Variants in REL observed in about 807,000 individuals in gnomAD.
REL encodes proto-oncogene c-Rel.
A neutral mutation model predicts 45.9 loss-of-function variants in REL; 15 were observed. The observed-to-expected ratio is 0.33, with a 90% CI of 0.22 to 0.50. The LOEUF is 0.50. Among genes scored for constraint, REL ranks in the 20% least tolerant of loss-of-function variants. The pLI is 0.98. For missense variants in REL, 601 were observed against 715.2 expected (o/e 0.84, Z 1.82); for synonymous variants, 239 against 242.1 (o/e 0.99, Z 0.12).
Position 60,928,089 on chromosome 2 carries a change from A to AG in REL, c.*5559dup, listed in dbSNP as rs2104000480. 5.9e-6 allele frequency: 1 copy of AG among 168,252 alleles called. No individual in the cohort carries two copies. The highest frequency in any genetic ancestry group is 2.2e-4 in the South Asian group (1 of 4,600). 10.4% of individuals were successfully genotyped at this position (168,252 alleles called of 1,614,324 possible). On this transcript the variant is annotated 3_prime_UTR_variant, in exon 10 of 10. Coordinates refer to ENST00000394479, the MANE Select transcript of REL (RefSeq NM_001291746.2). Reference sequence around the variant, plus strand: ...TCCCAGCACTTTGGGAGGCCGAGGTAGGGGGATTGCTTGAGCCCAGGAGTT... The same window carrying AG: ...TCCCAGCACTTTGGGAGGCCGAGGTAGGGGGGATTGCTTGAGCCCAGGAGTT...
At chr2:60,890,205 A>T (rs565058601) in intron 1 of REL, among the ~76,000 whole-genome samples, 1 of 152,296 alleles carries the variant, frequency 6.6e-6, no homozygotes, top group African/African-American at 2.4e-5. Context: ...GCCAGTGATG[A>T]TGAGCATTTT....
At chr2:60,919,970 T>C (rs1181358705) in intron 7 of REL, 71 bp from the exon 8 acceptor site, 1 of 949,972 alleles carries the variant, frequency 1.1e-6, no homozygotes, top group African/African-American at 1.7e-5. Flanking sequence ...GTGAATAAAA[T>C]ATTTGTTTAT....
intron 2 of REL, among the ~76,000 whole-genome samples, chr2:60,892,941 G>A (rs1673256677): frequency 6.6e-6 from 1 of 151,964 alleles, no homozygotes; most frequent in African/African-American, 2.4e-5. Context: ...TTTTAGTAGA[G>A]ACAGGGTTTC....
chr2:60,908,277 C>T (rs1377084230), intron 4 of REL, among the ~76,000 whole-genome samples: 1 of 152,190 alleles, frequency 6.6e-6, no homozygotes, highest in Non-Finnish European at 1.5e-5. Flanking sequence ...TTATCTCTAT[C>T]TTCTCAGCTA....
intron 4 of REL, among the ~76,000 whole-genome samples, chr2:60,905,238 G>A (rs963376420): frequency 1.3e-5 from 2 of 152,148 alleles, no homozygotes; most frequent in Non-Finnish European, 2.9e-5. Context: ...GGGACTATAG[G>A]CACCCGCCAC....
intron 4 of REL, among the ~76,000 whole-genome samples, chr2:60,903,230 G>A (rs903161632): frequency 6.6e-6 from 1 of 152,214 alleles, no homozygotes; most frequent in Non-Finnish European, 1.5e-5. Flanking sequence ...CTTTATGGAA[G>A]AGAATGCCAA....
At chr2:60,909,636 C>T (rs183836020) in intron 4 of REL, among the ~76,000 whole-genome samples, 1 of 152,310 alleles carries the variant, frequency 6.6e-6, no homozygotes, top group African/African-American at 2.4e-5. Context: ...GGCGCAGTGG[C>T]TCACGCCTGT....
Position 60,881,633 on chromosome 2 carries a change from G to C in REL, c.-208G>C, listed in dbSNP as rs1413131777. ...CTCCCGTACGGTGGACGGCGACGCT[G>C]GGTGACCCGGGGTGCAAGAATTCAG... On this transcript the variant is annotated 5_prime_UTR_variant, in exon 1 of 10. Coordinates refer to ENST00000394479, the MANE Select transcript of REL (RefSeq NM_001291746.2). The C allele has an allele frequency of 1.9e-6, 1 of 522,278 alleles. No homozygotes were observed. The highest frequency in any genetic ancestry group is 3.4e-6 in the Non-Finnish European group (1 of 294,594). 32.4% of individuals were successfully genotyped at this position (522,278 alleles called of 1,614,324 possible).
At chr2:60,919,246 T>G (rs1035131323) in intron 7 of REL, among the ~76,000 whole-genome samples, 13 of 152,044 alleles carry the variant, frequency 8.6e-5, no homozygotes, top group Non-Finnish European at 1.6e-4. Flanking sequence ...TGTTTTGGGT[T>G]TTTTTTGAGA....
chr2:60,929,620 A>G lies in REL; in HGVS notation c.*7085A>G, dbSNP rs1428682807. Reference sequence around the variant, plus strand: ...CTCACTCATAGGTGGGAATTGAACAATGAGAACACATGGACACAGGAAGGG... The same window carrying G: ...CTCACTCATAGGTGGGAATTGAACAGTGAGAACACATGGACACAGGAAGGG... On this transcript the variant is annotated 3_prime_UTR_variant, in exon 10 of 10. Transcript: ENST00000394479. The G allele has an allele frequency of 1.3e-4, 19 of 145,526 alleles. No individual in the cohort carries two copies. Among genetic ancestry groups the G allele is most frequent in the Admixed American group, 7.1e-4 (10 of 14,082 alleles). The allele number at this position is 145,526 out of a possible 1,614,324, so 9.0% of individuals were successfully genotyped here. A position where few individuals can be genotyped will look rare whatever the true frequency, so the allele number is the denominator to read the frequency against.
chr2:60,929,247 G>GT lies in REL; in HGVS notation c.*6713dup. ...GGGACTGTAAACTAGTTCAACCATT[G>GT]TGGAAGTCAGTGTGGCGATTCCTCA... On this transcript the variant is annotated 3_prime_UTR_variant, in exon 10 of 10. Coordinates refer to ENST00000394479, the MANE Select transcript of REL (RefSeq NM_001291746.2). The GT allele has an allele frequency of 6.7e-6, 1 of 148,592 alleles. No homozygotes were observed. Among genetic ancestry groups the GT allele is most frequent in the Non-Finnish European group, 1.5e-5 (1 of 66,930 alleles). The allele number at this position is 148,592 out of a possible 1,614,324, so 9.2% of individuals were successfully genotyped here.
In REL at chr2:60,917,030, T is replaced by C. The variant is rs766030152; in HGVS notation, c.535+13T>C. On this transcript the variant is annotated intron_variant, in intron 5 of 9. Coordinates refer to ENST00000394479, the MANE Select transcript of REL (RefSeq NM_001291746.2). ...ATTTATGACAACCGTAAGTACTTCA[T>C]TTTCTTATATTTGTAGTCTTAACTT... The C allele has an allele frequency of 6.3e-7, 1 of 1,598,586 alleles. No individual in the cohort carries two copies. The highest frequency in any genetic ancestry group is 8.5e-7 in the Non-Finnish European group (1 of 1,172,450).
chr2:60,905,204 C>T (rs1673609131), intron 4 of REL, among the ~76,000 whole-genome samples: 1 of 152,214 alleles, frequency 6.6e-6, no homozygotes, highest in South Asian at 2.1e-4. Context: ...ACACCATTCT[C>T]CTGCCTCAGC....
chr2:60,916,213 G>C (rs1673958498), intron 4 of REL, among the ~76,000 whole-genome samples: 1 of 152,124 alleles, frequency 6.6e-6, no homozygotes, highest in Admixed American at 6.6e-5. Context: ...GGGAGTTTGA[G>C]ACCACCCTGG....
chr2:60,931,531 A>G lies in REL; in HGVS notation c.*8996A>G, dbSNP rs1674381415. The G allele has an allele frequency of 6.6e-6, 1 of 152,336 alleles. No individual in the cohort carries two copies. Among genetic ancestry groups the G allele is most frequent in the Non-Finnish European group, 1.5e-5 (1 of 68,030 alleles). The allele number at this position is 152,336 out of a possible 1,614,324, so 9.4% of individuals were successfully genotyped here. ...TTAAAATGCCAAAATGCTGTTTATTATACAGAATATTTTATTACATTTGCA... is the reference window on the plus strand; with the variant it reads ...TTAAAATGCCAAAATGCTGTTTATTGTACAGAATATTTTATTACATTTGCA... On this transcript the variant is annotated 3_prime_UTR_variant, in exon 10 of 10. Coordinates refer to ENST00000394479, the MANE Select transcript of REL (RefSeq NM_001291746.2).
chr2:60,919,115 G>C (rs1674061225), intron 7 of REL, among the ~76,000 whole-genome samples: 1 of 152,178 alleles, frequency 6.6e-6, no homozygotes, highest in Non-Finnish European at 1.5e-5. Flanking sequence ...GTCTGTTTTA[G>C]TCTTTGTGCA....
At chr2:60,890,861 A>G (rs1233359119) in intron 1 of REL, among the ~76,000 whole-genome samples, 11 of 152,168 alleles carry the variant, frequency 7.2e-5, no homozygotes. Context: ...ATTACTTTAC[A>G]TATCCTAGGG....
rs548918623 is a variant in REL at position 60,889,094 on chromosome 2, T to C, written c.11-2589T>C. ...GAAATCCACATTGCCAAGTGTGCTC[T>C]GACTTTTAGTTCTCTTTTTAAGAGA... On this transcript the variant is annotated intron_variant, in intron 1 of 9. Coordinates refer to ENST00000394479, the MANE Select transcript of REL (RefSeq NM_001291746.2). 2.6e-5 allele frequency among the ~76,000 whole-genome samples: 4 copies of C among 151,748 alleles called. No homozygotes were observed. In the East Asian group the frequency reaches 5.8e-4, roughly 22 times the overall value.
At chr2:60,920,285 T>A (rs1233658176) in intron 8 of REL, 176 bp downstream of exon 8, 3 of 625,862 alleles carry the variant, frequency 4.8e-6, no homozygotes, top group Non-Finnish European at 8.6e-6. Context: ...CACTGCAACC[T>A]CTGCCCCCCA....
Sources: allele counts gnomAD v4.1 joint callset (sites outside exome capture counted in the v4.1 genomes callset), GRCh38; gene constraint gnomAD v4.1.1; transcripts MANE v1.5; gene names NCBI Gene and HGNC (gene_info 2026-07-23, HGNC 2026-07-21).